ELP4: variants seen among roughly 807,000 people sequenced by gnomAD.
ELP4 encodes elongator complex protein 4.
A neutral mutation model predicts 48.9 loss-of-function variants in ELP4; 51 were observed. That is an observed-to-expected ratio of 1.04 (90% confidence interval 0.83 to 1.32). The LOEUF is 1.32. Ranked by LOEUF, ELP4 falls within the 40% of genes most tolerant of loss-of-function variation. The pLI, the probability that ELP4 is intolerant of heterozygous loss-of-function variation, is 0.00. For synonymous variants in ELP4, 210 were observed against 189.2 expected (o/e 1.11, Z -0.90); for missense variants, 519 against 514.6 (o/e 1.01, Z -0.08).
intron 7 of ELP4, among the ~76,000 whole-genome samples, chr11:31,643,614 T>C (rs1945143224): frequency 6.6e-6 from 1 of 151,860 alleles, no homozygotes; most frequent in Non-Finnish European, 1.5e-5. Context: ...GAGCTTTAAA[T>C]GGCAGTGATT....
chr11:31,648,957 G>A (rs901453074), intron 8 of ELP4: 1 of 151,550 alleles, frequency 6.6e-6, no homozygotes, highest in Non-Finnish European at 1.5e-5. Flanking sequence ...GTTAAAATAA[G>A]AAACGTACAA....
rs1163261898 is a variant in ELP4, at chr11:31,627,095, T to C, written c.654-15T>C. 3 of 1,561,584 alleles carry C rather than the reference T, an allele frequency of 1.9e-6. No individual in the cohort carries two copies. Among genetic ancestry groups the C allele is most frequent in the Admixed American group, 3.4e-5 (2 of 59,344 alleles). On this transcript the variant is annotated splice_polypyrimidine_tract_variant and intron_variant, in intron 5 of 9. Coordinates refer to ENST00000640961, the MANE Select transcript of ELP4 (RefSeq NM_019040.5). Reference sequence around the variant, plus strand: ...TAACCCATTTATGTATTTGAACCACTTCTTTTACCAACAGTTCTTTGACCC... The same window carrying C: ...TAACCCATTTATGTATTTGAACCACCTCTTTTACCAACAGTTCTTTGACCC...
intron 9 of ELP4, among the ~76,000 whole-genome samples, chr11:31,768,936 T>C (rs1470672379): frequency 1.3e-5 from 2 of 152,174 alleles, no homozygotes; most frequent in African/African-American, 4.8e-5. Flanking sequence ...CAGCACATGC[T>C]TCGGTTCTGA....
intron 9 of ELP4, among the ~76,000 whole-genome samples, chr11:31,699,648 A>C (rs1010059942): frequency 3.9e-5 from 6 of 152,180 alleles, no homozygotes; most frequent in Admixed American, 3.3e-4. Flanking sequence ...CGATATTGAC[A>C]TAATCTCAGA....
chr11:31,696,574 T>A (rs997589710), intron 9 of ELP4, among the ~76,000 whole-genome samples: 7 of 152,004 alleles, frequency 4.6e-5, no homozygotes, highest in Admixed American at 1.3e-4. Context: ...TGCTGAGGAG[T>A]GCTTTACTTC....
chr11:31,625,338 T>C (rs1232824601), intron 5 of ELP4, among the ~76,000 whole-genome samples: 1 of 151,778 alleles, frequency 6.6e-6, no homozygotes, highest in African/African-American at 2.4e-5. Context: ...ATCAGTATGT[T>C]GAAAACATAT....
intron 9 of ELP4, among the ~76,000 whole-genome samples, chr11:31,776,704 T>A (rs904444323): frequency 5.9e-5 from 9 of 152,226 alleles, no homozygotes; most frequent in Non-Finnish European, 1.0e-4. Flanking sequence ...GGACAGCCAA[T>A]GTGCAGTGTT....
intron 5 of ELP4, among the ~76,000 whole-genome samples, chr11:31,607,979 T>C (rs1013553040): frequency 6.6e-6 from 1 of 152,096 alleles, no homozygotes. Context: ...TTTGTGGTTT[T>C]GTAGGGTAAC....
At chr11:31,582,178 T>C (rs1957403530) in intron 3 of ELP4, among the ~76,000 whole-genome samples, 1 of 152,208 alleles carries the variant, frequency 6.6e-6, no homozygotes, top group Admixed American at 6.5e-5. Context: ...ACAAGTTAAT[T>C]AACCTTTGTG....
chr11:31,721,708 C>T (rs2134186921), intron 9 of ELP4, among the ~76,000 whole-genome samples: 1 of 151,992 alleles, frequency 6.6e-6, no homozygotes, highest in African/African-American at 2.4e-5. Flanking sequence ...TATCAATGAG[C>T]AAATCATTTC....
At chr11:31,682,154 T>C in intron 9 of ELP4, 12 of 1,111,246 alleles carry the variant, frequency 1.1e-5, no homozygotes, top group Non-Finnish European at 1.3e-5. Flanking sequence ...TCAGCCAAGC[T>C]ATTGACAAAT....
rs1238897258 is a variant in ELP4 at position 31,719,261 on chromosome 11, G to GA, written c.1144-64120dup. Among the ~76,000 whole-genome samples, 258 of 123,472 alleles carry GA rather than the reference G, an allele frequency of 2.1e-3. 1 individual carries two copies. Among genetic ancestry groups the GA allele is most frequent in the Middle Eastern group, 4.3e-3 (1 of 234 alleles). 81.0% of individuals were successfully genotyped at this position (123,472 alleles called of 152,430 possible). A position where few individuals can be genotyped will look rare whatever the true frequency, so the allele number is the denominator to read the frequency against. On this transcript the variant is annotated intron_variant, in intron 9 of 9. Transcript: ENST00000640961. The stretch of plus-strand genomic sequence containing the variant: ...GGTGACAGAGCAAGACCCTGAAAAA[G>GA]AAAAAAAAAAAAGAAAGAAAAGAAA...
rs547085057 is a variant in ELP4 at position 31,545,769 on chromosome 11, G to C, written c.381+5986G>C. 3.9e-5 allele frequency among the ~76,000 whole-genome samples: 6 copies of C among 152,100 alleles called. No individual in the cohort carries two copies. The South Asian group carries it at 8.3e-4, about 21-fold the overall frequency. ...GTTACCCACAAAGGGAAGCCCATCA[G>C]AGTAACAGCGGATCTCTCTGCAGAA... is the stretch of plus-strand genomic sequence containing the variant. On this transcript the variant is annotated intron_variant, in intron 3 of 9. Transcript: ENST00000640961.
At chr11:31,779,399 G>A (rs182493684) in intron 9 of ELP4, among the ~76,000 whole-genome samples, 25 of 152,308 alleles carry the variant, frequency 1.6e-4, no homozygotes, top group Admixed American at 3.9e-4. Flanking sequence ...TGGGAGAAAC[G>A]GAATTAGGAA....
At chr11:31,560,998 A>G (rs911438071) in intron 3 of ELP4, among the ~76,000 whole-genome samples, 1 of 152,110 alleles carries the variant, frequency 6.6e-6, no homozygotes, top group Non-Finnish European at 1.5e-5. Flanking sequence ...TCTACCACCT[A>G]CATTTTTCTA....
At chr11:31,690,191 G>T (rs1946247558) in intron 9 of ELP4, among the ~76,000 whole-genome samples, 1 of 152,164 alleles carries the variant, frequency 6.6e-6, no homozygotes, top group African/African-American at 2.4e-5. Flanking sequence ...CCAAGATTCA[G>T]TCAGAGGAAT....
At chr11:31,746,621 G>A (rs1436908892) in intron 9 of ELP4, among the ~76,000 whole-genome samples, 1 of 152,016 alleles carries the variant, frequency 6.6e-6, no homozygotes, top group African/African-American at 2.4e-5. Flanking sequence ...CATCATTCTT[G>A]GCAAACTATC....
intron 9 of ELP4, among the ~76,000 whole-genome samples, chr11:31,750,331 G>T (rs2134237318): frequency 6.6e-6 from 1 of 152,248 alleles, no homozygotes; most frequent in South Asian, 2.1e-4. Flanking sequence ...TTGTGGTGAG[G>T]CTTTTTCTAA....
chr11:31,603,016 A>G (rs1291253886), intron 4 of ELP4, among the ~76,000 whole-genome samples: 1 of 151,964 alleles, frequency 6.6e-6, no homozygotes, highest in Non-Finnish European at 1.5e-5. Flanking sequence ...TTGCTATCCC[A>G]TATAAATAAA....
Sources: allele counts gnomAD v4.1 joint callset (sites outside exome capture counted in the v4.1 genomes callset), GRCh38; gene constraint gnomAD v4.1.1; transcripts MANE v1.5; gene names NCBI Gene and HGNC (gene_info 2026-07-23, HGNC 2026-07-21).